TTC7A: variants seen among roughly 807,000 people sequenced by gnomAD.
The protein encoded by TTC7A is tetratricopeptide repeat domain 7A.
A neutral mutation model predicts 103.7 loss-of-function variants in TTC7A; 110 were observed. The ratio of observed to expected loss-of-function variants is 1.06; its 90% CI spans 0.91 to 1.24. The LOEUF is 1.24. Among genes scored for constraint, TTC7A ranks in the 50% most tolerant of loss-of-function variants. The pLI, the probability that TTC7A is intolerant of heterozygous loss-of-function variation, is 0.00. For missense variants in TTC7A, 1,340 were observed against 1,116.3 expected (o/e 1.20, Z -2.86); for synonymous variants, 521 against 467.9 (o/e 1.11, Z -1.47).
chr2:47,054,041 C>T (rs746297063), intron 18 of TTC7A: 4 of 912,076 alleles, frequency 4.4e-6, no homozygotes, highest in Non-Finnish European at 5.2e-6. Flanking sequence ...AAACACATGC[C>T]TTTCAGTCAT....
At chr2:47,031,210 AG>A (rs200864566) in intron 15 of TTC7A, among the ~76,000 whole-genome samples, 5,160 of 152,344 alleles carry the variant, frequency 0.034, 157 homozygotes, top group Admixed American at 0.078. Flanking sequence ...CGAGTAGCTT[AG>A]GAAATCCTAA....
chr2:46,956,296 T>C (rs1671847849), intron 2 of TTC7A, among the ~76,000 whole-genome samples: 1 of 152,194 alleles, frequency 6.6e-6, no homozygotes, highest in Non-Finnish European at 1.5e-5. Context: ...GCAGGCCCTC[T>C]CCTCCTCAAT....
At chr2:46,974,597 A>G (rs1370793824) in intron 3 of TTC7A, 3 of 451,678 alleles carry the variant, frequency 6.6e-6, no homozygotes, top group South Asian at 1.6e-5. Context: ...CTAAAGAGCT[A>G]AGTAGGAAAT....
At chr2:46,997,095 C>T (rs1572855893) in intron 8 of TTC7A, among the ~76,000 whole-genome samples, 1 of 152,264 alleles carries the variant, frequency 6.6e-6, no homozygotes, top group East Asian at 1.9e-4. Flanking sequence ...TCTTCTGTCT[C>T]AGCTTCCCGA....
At chr2:46,969,796 C>T (rs1053408014) in intron 3 of TTC7A, among the ~76,000 whole-genome samples, 1 of 152,140 alleles carries the variant, frequency 6.6e-6, no homozygotes. Flanking sequence ...TCTATGCATC[C>T]GTCTGCATGC....
intron 2 of TTC7A, among the ~76,000 whole-genome samples, chr2:46,918,751 G>A (rs1397021580): frequency 6.6e-6 from 1 of 152,200 alleles, no homozygotes; most frequent in Admixed American, 6.5e-5. Context: ...GAAATCTCAC[G>A]AGCAATATGG....
intron 8 of TTC7A, chr2:46,999,772 T>G (rs1486398464): frequency 4.1e-6 from 4 of 985,304 alleles, no homozygotes; most frequent in Middle Eastern, 5.2e-4. Flanking sequence ...ATCTGGGGCA[T>G]AAAAATATGT....
chr2:46,915,990 C>T (rs28365918), upstream of TTC7A: 84 of 985,466 alleles, frequency 8.5e-5, no homozygotes, highest in East Asian at 7.5e-3. Flanking sequence ...CCTGCTTTCC[C>T]AAGGGCGACA....
Position 47,015,858 on chromosome 2 carries a change from G to A in TTC7A, c.1392+4423G>A, listed in dbSNP as rs181334112. 2.2e-3 allele frequency among the ~76,000 whole-genome samples: 331 copies of A among 152,276 alleles called. 3 individuals carry two copies. The highest frequency in any genetic ancestry group is 7.8e-3 in the African/African-American group (324 of 41,544). On this transcript the variant is annotated intron_variant, in intron 11 of 19. Transcript: ENST00000319190. ...CTCCTGCCACCAGCTTGTAGAAATT[G>A]GAAAGAGTGCCTACTACTCCTCCCA...
Position 47,066,795 on chromosome 2 carries a change from A to G in TTC7A, c.2355+5824A>G, listed in dbSNP as rs1005941027. Among the ~76,000 whole-genome samples the G allele has an allele frequency of 3.3e-5, 5 of 152,328 alleles. No homozygotes were observed. In the South Asian group the frequency reaches 8.3e-4, roughly 25 times the overall value. On this transcript the variant is annotated intron_variant, in intron 19 of 19. Transcript: ENST00000319190. The stretch of plus-strand genomic sequence containing the variant: ...AGTCTTGAACTCCTGGGCTCAAGGA[A>G]TCCTTCCGCCTCAGCCTCCAAAAGT...
At position 47,073,869 on chromosome 2, in the gene TTC7A, G is replaced by GC; in HGVS notation, c.2524dup (p.Leu842ProfsTer88). ...TTGACTGCTTCCTCACCGCCCTTGA[G>GC]CTGGAGGCCAGCAGCCCTGTACTGC... On this transcript the variant is annotated frameshift_variant, in exon 20 of 20. Transcript: ENST00000319190. LOFTEE classifies it high-confidence loss of function. 1 of 1,613,624 alleles carries GC rather than the reference G, an allele frequency of 6.2e-7. No individual in the cohort carries two copies. Among genetic ancestry groups the GC allele is most frequent in the Non-Finnish European group, 8.5e-7 (1 of 1,180,028 alleles).
intron 2 of TTC7A, among the ~76,000 whole-genome samples, chr2:46,927,884 GTTTTTTTT>G (rs566447236): frequency 1.4e-5 from 1 of 73,322 alleles, no homozygotes; most frequent in East Asian, 3.8e-4. Flanking sequence ...TTTTTTTGGT[GTTTTTTTT>G]TTTTTTTTTT....
chr2:46,981,227 T>A (rs1188214276), intron 5 of TTC7A, among the ~76,000 whole-genome samples: 1 of 135,566 alleles, frequency 7.4e-6, no homozygotes, highest in African/African-American at 2.5e-5. Flanking sequence ...GATACACAGA[T>A]GTATTTTTTT....
At chr2:47,012,367 T>C (rs761108774) in intron 11 of TTC7A, among the ~76,000 whole-genome samples, 3 of 152,158 alleles carry the variant, frequency 2.0e-5, no homozygotes, top group Non-Finnish European at 4.4e-5. Flanking sequence ...CAGGCCCTTC[T>C]CCACCCACAT....
At chr2:46,958,651 C>G in intron 3 of TTC7A, 1 of 811,598 alleles carries the variant, frequency 1.2e-6, no homozygotes, top group Non-Finnish European at 1.8e-6. Context: ...TGCCTGCCTC[C>G]TCTCTGCCTG....
At position 46,974,985 on chromosome 2, in the gene TTC7A, A is replaced by T; in HGVS notation, c.530A>T (p.Glu177Val). 4 of 1,613,806 alleles carry T rather than the reference A, an allele frequency of 2.5e-6. No homozygotes were observed. Among genetic ancestry groups the T allele is most frequent in the Non-Finnish European group, 3.4e-6 (4 of 1,179,852 alleles). ...CTTCCTCCCGCAGGCCTCTCTCTGG[A>T]ACGCCTACCCAACTCCATCGCCTCC... ...EAFVIKGLSL[E>V]RLPNSIASRF... The change falls in exon 4 of 20, where the codon GAA (glutamate) becomes GTA (valine). Residue 177 changes from glutamate (E) to valine (V), a missense_variant. Physicochemically the swap from Glu to Val is moderately radical, Grantham distance 121. Transcript: ENST00000319190.
At chr2:46,950,567 T>A in intron 2 of TTC7A, 41 bp downstream of exon 2, 1 of 1,606,378 alleles carries the variant, frequency 6.2e-7, no homozygotes, top group Non-Finnish European at 8.5e-7. Context: ...CCTCTCCTCG[T>A]CTGTCTTGCC....
intron 16 of TTC7A, among the ~76,000 whole-genome samples, chr2:47,049,495 A>G (rs1682652195): frequency 6.6e-6 from 1 of 152,066 alleles, no homozygotes; most frequent in Non-Finnish European, 1.5e-5. Context: ...TGGCAGCCCA[A>G]GGAATGGAAG....
At chr2:46,994,623 A>G in intron 7 of TTC7A, 109 bp downstream of exon 7, 1 of 1,128,882 alleles carries the variant, frequency 8.9e-7, no homozygotes, top group Non-Finnish European at 1.3e-6. Context: ...GTCTCCACTC[A>G]GCACACTGCC....
Sources: gnomAD v4.1 joint callset for allele counts (sites outside exome capture counted in the v4.1 genomes callset) on GRCh38, gnomAD v4.1.1 for gene constraint, MANE v1.5 for transcripts, NCBI Gene and HGNC (gene_info 2026-07-23, HGNC 2026-07-21) for gene names.